The following WWC2 variants were observed in gnomAD, a reference collection of about 807,000 sequenced individuals.
WWC2 encodes protein WWC2.
A neutral mutation model predicts 138.5 loss-of-function variants in WWC2; 101 were observed. That is an observed-to-expected ratio of 0.73 (90% CI 0.62 to 0.86). The LOEUF is 0.86. WWC2 is among the 40% of genes least tolerant of loss of function. The pLI, the probability that WWC2 is intolerant of heterozygous loss-of-function variation, is 0.00. For synonymous variants in WWC2, 558 were observed against 538.4 expected (o/e 1.04, Z -0.50); for missense variants, 1,420 against 1,419.4 (o/e 1.00, Z -0.01).
chr4:183,271,143 A>G lies in WWC2; in HGVS notation c.2464A>G (p.Asn822Asp). ...FSSEVFTLWY[N>D]LLPSKQMPCK... Reference sequence around the variant, plus strand: ...CAGTGAGGTTTTCACTCTATGGTATAACTTGCTTCCTTCCAAGCAAATGCC... The same window carrying G: ...CAGTGAGGTTTTCACTCTATGGTATGACTTGCTTCCTTCCAAGCAAATGCC... Residue 822 changes from asparagine (N) to aspartate (D), a missense_variant, in exon 16 of 23, where the codon AAC becomes GAC. Asn to Asp is a conservative substitution (Grantham distance 23). Coordinates refer to ENST00000403733, the MANE Select transcript of WWC2 (RefSeq NM_024949.6). The G allele has an allele frequency of 6.2e-7, 1 of 1,613,266 alleles. No homozygotes were observed. The highest frequency in any genetic ancestry group is 2.2e-5 in the East Asian group (1 of 44,812).
Position 183,261,345 on chromosome 4 carries a change from T to G in WWC2, c.1722T>G (p.His574Gln). The stretch of plus-strand genomic sequence containing the variant: ...GCACGTTTCCCATGTCTTCTTCTCA[T>G]GATGCCTCTCTCCATCAGTTCACTG... Reference protein sequence around the residue: ...LEGTFPMSSSHDASLHQFTAD... With the variant: ...LEGTFPMSSSQDASLHQFTAD... Residue 574 changes from histidine (H) to glutamine (Q), a missense_variant, in exon 11 of 23, where the codon CAT (histidine) becomes CAG (glutamine). Coordinates refer to ENST00000403733, the MANE Select transcript of WWC2 (RefSeq NM_024949.6). 1 of 1,613,452 alleles carries G rather than the reference T, an allele frequency of 6.2e-7. No individual in the cohort carries two copies. The highest frequency in any genetic ancestry group is 8.5e-7 in the Non-Finnish European group (1 of 1,179,704).
intron 1 of WWC2, among the ~76,000 whole-genome samples, chr4:183,130,292 T>C (rs1403798405): frequency 6.6e-6 from 1 of 152,194 alleles, no homozygotes; most frequent in African/African-American, 2.4e-5. Context: ...GACCTCATGA[T>C]CTACCTGCCT....
At position 183,226,838 on chromosome 4, in the gene WWC2, T is replaced by G. The variant is rs1736089541; in HGVS notation, c.523-13345T>G. Reference sequence around the variant, plus strand: ...CTAAAAATTGTGAATGTAATATAAATGAAGATAAATGCAAGTCTGGATAAG... The same window carrying G: ...CTAAAAATTGTGAATGTAATATAAAGGAAGATAAATGCAAGTCTGGATAAG... On this transcript the variant is annotated intron_variant, in intron 4 of 22. Coordinates refer to ENST00000403733, the MANE Select transcript of WWC2 (RefSeq NM_024949.6). Among the ~76,000 whole-genome samples the G allele has an allele frequency of 3.9e-5, 6 of 152,014 alleles. 1 individual carries two copies. The highest frequency in any genetic ancestry group is 3.9e-4 in the Admixed American group (6 of 15,270).
chr4:183,190,904 C>CA (rs1365395252), intron 1 of WWC2, among the ~76,000 whole-genome samples: 1 of 152,166 alleles, frequency 6.6e-6, no homozygotes, highest in Non-Finnish European at 1.5e-5. Context: ...CTGTCATACT[C>CA]ACGCTTAAGC....
intron 6 of WWC2, among the ~76,000 whole-genome samples, chr4:183,247,623 C>G (rs910309270): frequency 6.3e-5 from 8 of 126,990 alleles, no homozygotes; most frequent in East Asian, 2.1e-4. Context: ...ACTATATATA[C>G]TATATACTAT....
chr4:183,146,254 G>C (rs1733457168), intron 1 of WWC2, among the ~76,000 whole-genome samples: 1 of 152,164 alleles, frequency 6.6e-6, no homozygotes, highest in Non-Finnish European at 1.5e-5. Context: ...AAGCCAAACA[G>C]ATTGGACCAT....
chr4:183,162,922 T>C (rs1381839637), intron 1 of WWC2, among the ~76,000 whole-genome samples: 1 of 152,184 alleles, frequency 6.6e-6, no homozygotes, highest in Admixed American at 6.5e-5. Flanking sequence ...AAGAAGTGCC[T>C]TTATTTCCTG....
rs115779075 is a variant in WWC2, at chr4:183,101,756, A to G, written c.131+2134A>G. Reference sequence around the variant, plus strand: ...GGAAAGAGAGATGTTACACAGGCCAATAGGAGTGTGTGGATTCTTCTGCAG... The same window carrying G: ...GGAAAGAGAGATGTTACACAGGCCAGTAGGAGTGTGTGGATTCTTCTGCAG... On this transcript the variant is annotated intron_variant, in intron 1 of 22. Transcript: ENST00000403733. Among the ~76,000 whole-genome samples the G allele has an allele frequency of 6.3e-3, 963 of 152,354 alleles. 5 individuals are homozygous for G. Among genetic ancestry groups the G allele is most frequent in the Middle Eastern group, 0.041 (12 of 294 alleles).
At chr4:183,310,161 T>C (rs143951504) in intron 21 of WWC2, among the ~76,000 whole-genome samples, 82 of 152,290 alleles carry the variant, frequency 5.4e-4, no homozygotes, top group African/African-American at 1.9e-3. Context: ...CCAAAACCCA[T>C]TGAATGTACA....
At chr4:183,156,911 T>A (rs778619892) in intron 1 of WWC2, among the ~76,000 whole-genome samples, 7 of 152,194 alleles carry the variant, frequency 4.6e-5, no homozygotes, top group Non-Finnish European at 8.8e-5. Context: ...CCGCCCTTTA[T>A]ACACACACAT....
At chr4:183,227,902 G>A (rs532811398) in intron 4 of WWC2, among the ~76,000 whole-genome samples, 1 of 152,040 alleles carries the variant, frequency 6.6e-6, no homozygotes, top group African/African-American at 2.4e-5. Context: ...CAGGAGAGGA[G>A]AGAAAAGAAT....
intron 1 of WWC2, among the ~76,000 whole-genome samples, chr4:183,147,390 A>G (rs990239611): frequency 6.6e-6 from 1 of 152,170 alleles, no homozygotes; most frequent in Non-Finnish European, 1.5e-5. Context: ...TCCTTATTGT[A>G]ACTCTTAGAT....
chr4:183,249,780 G>T, intron 7 of WWC2, 140 bp from the exon 8 acceptor site: 1 of 626,576 alleles, frequency 1.6e-6, no homozygotes. Context: ...TAAAATAAGT[G>T]TCTTTTAAAA....
chr4:183,160,970 AG>A (rs1230137731), intron 1 of WWC2, among the ~76,000 whole-genome samples: 2 of 152,184 alleles, frequency 1.3e-5, no homozygotes, highest in African/African-American at 4.8e-5. Context: ...GCAACTTATT[AG>A]GAGACAACAC....
At chr4:183,306,294 CTG>C (rs1739021910) in intron 21 of WWC2, among the ~76,000 whole-genome samples, 1 of 152,194 alleles carries the variant, frequency 6.6e-6, no homozygotes, top group Non-Finnish European at 1.5e-5. Context: ...TCATTAATCA[CTG>C]TAAACATCAG....
chr4:183,233,148 CTTTTTTT>C (rs543576361), intron 4 of WWC2, among the ~76,000 whole-genome samples: 4 of 84,810 alleles, frequency 4.7e-5, no homozygotes, highest in Admixed American at 1.2e-4. Context: ...CTTTTTAAAC[CTTTTTTT>C]TTTTTTTTTT....
chr4:183,288,802 T>C (rs986142866), intron 20 of WWC2, among the ~76,000 whole-genome samples: 4 of 152,258 alleles, frequency 2.6e-5, no homozygotes, highest in Non-Finnish European at 2.9e-5. Flanking sequence ...CAACTCAGTT[T>C]AAGCATTCTG....
At chr4:183,138,745 C>CT (rs1243964212) in intron 1 of WWC2, among the ~76,000 whole-genome samples, 1 of 152,136 alleles carries the variant, frequency 6.6e-6, no homozygotes, top group Admixed American at 6.5e-5. Flanking sequence ...CCTGAACATT[C>CT]TTTATTTTCT....
intron 1 of WWC2, among the ~76,000 whole-genome samples, chr4:183,106,408 T>C (rs925737805): frequency 6.6e-6 from 1 of 151,966 alleles, no homozygotes; most frequent in Non-Finnish European, 1.5e-5. Context: ...TTATCTTTAT[T>C]AGATTAAAAA....
Sources: gnomAD v4.1 joint callset for allele counts (sites outside exome capture counted in the v4.1 genomes callset) on GRCh38, gnomAD v4.1.1 for gene constraint, MANE v1.5 for transcripts, NCBI Gene and HGNC (gene_info 2026-07-23, HGNC 2026-07-21) for gene names.